The following ERLIN1 variants were observed in gnomAD, a reference collection of about 807,000 sequenced individuals.
ERLIN1 encodes ER lipid raft associated 1, also known as erlin-1.
In ERLIN1, 24 loss-of-function variants were observed where a neutral mutation model predicts 46.9. That is an observed-to-expected ratio of 0.51 (90% CI 0.37 to 0.72). ERLIN1 has a LOEUF of 0.72. Among genes scored for constraint, ERLIN1 ranks in the 30% least tolerant of loss-of-function variants. The probability of loss-of-function intolerance (pLI) is 0.00; values close to 1 mark genes in which losing one functional copy is unlikely to be tolerated. For synonymous variants in ERLIN1, 158 were observed against 143.2 expected (o/e 1.10, Z -0.74); for missense variants, 293 against 417.9 (o/e 0.70, Z 2.61).
At chr10:100,178,860 T>C (rs955745578) in intron 3 of ERLIN1, among the ~76,000 whole-genome samples, 1 of 152,202 alleles carries the variant, frequency 6.6e-6, no homozygotes, top group Non-Finnish European at 1.5e-5. Flanking sequence ...ATAAAAACTG[T>C]CTGTACTTTT....
chr10:100,153,223 T>C (rs1842899146), intron 10 of ERLIN1, among the ~76,000 whole-genome samples: 1 of 152,220 alleles, frequency 6.6e-6, no homozygotes. Flanking sequence ...GACAGACAGA[T>C]GTTTGTCGAC....
rs1021902813 is a variant in ERLIN1, at chr10:100,155,640, A to G, written c.745+505T>C. Among the ~76,000 whole-genome samples, 59 of 151,692 alleles carry G rather than the reference A, an allele frequency of 3.9e-4. 1 individual carries two copies. The highest frequency in any genetic ancestry group is 1.2e-3 in the Admixed American group (19 of 15,256). On this transcript the variant is annotated intron_variant, in intron 9 of 10. Transcript: ENST00000421367. ...CGCCATTCTCCTGCCTCAGCCTCCC[A>G]AGTAGCTGGGACTACAGGCGCCCGC... is the stretch of plus-strand genomic sequence containing the variant.
intron 1 of ERLIN1, 52 bp downstream of exon 1, chr10:100,185,462 A>G (rs1343917790): frequency 2.9e-6 from 4 of 1,367,380 alleles, no homozygotes; most frequent in Admixed American, 1.7e-5. Flanking sequence ...TCCACTCTGG[A>G]GTACCCTTTT....
intron 6 of ERLIN1, among the ~76,000 whole-genome samples, chr10:100,173,527 C>T (rs190444242): frequency 3.0e-4 from 45 of 152,114 alleles, no homozygotes; most frequent in African/African-American, 1.1e-3. Flanking sequence ...ATTTTACAAC[C>T]CACAATCTGG....
At chr10:100,184,610 C>CT (rs1844855537) in intron 1 of ERLIN1, among the ~76,000 whole-genome samples, 1 of 152,196 alleles carries the variant, frequency 6.6e-6, no homozygotes, top group African/African-American at 2.4e-5. Flanking sequence ...AGGTTCATTA[C>CT]TAATTCTTTG....
At chr10:100,179,091 C>T in intron 3 of ERLIN1, 110 bp downstream of exon 3, 1 of 788,484 alleles carries the variant, frequency 1.3e-6, no homozygotes, top group Non-Finnish European at 2.1e-6. Flanking sequence ...TCAGAAGTCC[C>T]CTTGGGTTAA....
intron 8 of ERLIN1, among the ~76,000 whole-genome samples, chr10:100,156,775 G>A (rs1442572004): frequency 6.6e-6 from 1 of 152,216 alleles, no homozygotes; most frequent in Non-Finnish European, 1.5e-5. Flanking sequence ...CACTTTGGGA[G>A]GCTGAGGCAG....
At chr10:100,153,076 G>T (rs1289714946) in intron 10 of ERLIN1, among the ~76,000 whole-genome samples, 1 of 152,152 alleles carries the variant, frequency 6.6e-6, no homozygotes, top group Non-Finnish European at 1.5e-5. Context: ...TCAAAGGAAG[G>T]GCTGGTGCTC....
intron 8 of ERLIN1, among the ~76,000 whole-genome samples, chr10:100,157,757 T>G (rs948257321): frequency 2.6e-5 from 4 of 152,234 alleles, no homozygotes; most frequent in Non-Finnish European, 5.9e-5. Flanking sequence ...GTGAGGGATC[T>G]GAAGCCTGCA....
Position 100,183,787 on chromosome 10 carries a change from A to G in ERLIN1, c.164T>C (p.Leu55Ser). ...SPSGPGYHIM[L>S]PFITTFRSVQ... Reference sequence around the variant, plus strand: ...AGATCTGAACGTAGTAATGAAAGGCAACATGATATGATAGCCTGGTCCACT... The same window carrying G: ...AGATCTGAACGTAGTAATGAAAGGCGACATGATATGATAGCCTGGTCCACT... Residue 55 changes from leucine to serine, a missense_variant, in exon 2 of 11, where the codon TTG becomes TCG. Leu to Ser is a moderately radical substitution (Grantham distance 145). Around this residue, in one of 3 missense-constraint regions of ERLIN1, gnomAD observed 76 missense variants for 77.0 expected, o/e 0.99. Transcript: ENST00000421367. 1 of 1,613,730 alleles carries G rather than the reference A, an allele frequency of 6.2e-7. No individual in the cohort carries two copies.
chr10:100,178,049 G>T, intron 4 of ERLIN1, 84 bp downstream of exon 4: 1 of 887,846 alleles, frequency 1.1e-6, no homozygotes, highest in Non-Finnish European at 1.8e-6. Context: ...AACTTTCAAA[G>T]TACCCTTCTA....
At chr10:100,183,169 A>G (rs923856425) in intron 2 of ERLIN1, among the ~76,000 whole-genome samples, 2 of 152,230 alleles carry the variant, frequency 1.3e-5, no homozygotes, top group African/African-American at 4.8e-5. Context: ...TGGTTTTGTC[A>G]TCTTGTTACA....
In ERLIN1 at chr10:100,151,872, T is replaced by G. The variant is rs1202201702; in HGVS notation, c.*259A>C. 7.8e-6 allele frequency: 4 copies of G among 509,796 alleles called. No individual in the cohort carries two copies. Among genetic ancestry groups the G allele is most frequent in the Non-Finnish European group, 1.4e-5 (4 of 279,048 alleles). The allele number at this position is 509,796 out of a possible 1,614,324, so 31.6% of individuals were successfully genotyped here. On this transcript the variant is annotated 3_prime_UTR_variant, in exon 11 of 11. Transcript: ENST00000421367. ...TTCCAGTGCAGGCAGTATCTTAGCA[T>G]CAGACTTTCCTCATTCATGAGTAGC...
rs142535727 is a variant in ERLIN1, at chr10:100,167,984, T to G, written c.505-578A>C. Among the ~76,000 whole-genome samples, 1,122 of 152,362 alleles carry G rather than the reference T, an allele frequency of 7.4e-3. 20 individuals carry two copies. Among genetic ancestry groups the G allele is most frequent in the African/African-American group, 0.025 (1,046 of 41,596 alleles). ...TTAAAAGCTTATATTCTTTCTTCCT[T>G]AACTCTCACTTAGAACAAAGTCTGT... is the stretch of plus-strand genomic sequence containing the variant. On this transcript the variant is annotated intron_variant, in intron 6 of 10. Transcript: ENST00000421367.
intron 4 of ERLIN1, among the ~76,000 whole-genome samples, chr10:100,177,069 C>A (rs1844353452): frequency 6.6e-6 from 1 of 152,108 alleles, no homozygotes; most frequent in African/African-American, 2.4e-5. Context: ...TTGCACTGAG[C>A]TGAGATCATG....
chr10:100,166,465 T>G (rs1589530337), intron 7 of ERLIN1, among the ~76,000 whole-genome samples: 1 of 150,624 alleles, frequency 6.6e-6, no homozygotes, highest in African/African-American at 2.4e-5. Context: ...AATAAAACTC[T>G]GTATGAGCTC....
At chr10:100,157,756 C>G (rs1843151225) in intron 8 of ERLIN1, among the ~76,000 whole-genome samples, 1 of 152,156 alleles carries the variant, frequency 6.6e-6, no homozygotes, top group South Asian at 2.1e-4. Context: ...GGTGAGGGAT[C>G]TGAAGCCTGC....
chr10:100,166,324 G>A (rs1449344112), intron 7 of ERLIN1, among the ~76,000 whole-genome samples: 1 of 152,078 alleles, frequency 6.6e-6, no homozygotes, highest in African/African-American at 2.4e-5. Context: ...GGAGGCTGAG[G>A]TGGGAGGATC....
At chr10:100,154,295 T>C (rs1842959685) in intron 10 of ERLIN1, among the ~76,000 whole-genome samples, 1 of 152,190 alleles carries the variant, frequency 6.6e-6, no homozygotes, top group Non-Finnish European at 1.5e-5. Context: ...AAATTCCTCA[T>C]GACTGGAATA....
Sources: allele counts gnomAD v4.1 joint callset (sites outside exome capture counted in the v4.1 genomes callset), GRCh38; gene constraint gnomAD v4.1.1; regional missense constraint gnomAD v4.1.1; transcripts MANE v1.5; gene names NCBI Gene and HGNC (gene_info 2026-07-23, HGNC 2026-07-21).